Variants in FHL1 observed in about 807,000 individuals in gnomAD.
FHL1 encodes four and a half LIM domains 1.
Under a neutral mutation model 20.3 loss-of-function variants are expected in FHL1, and 1 was observed. The ratio of observed to expected loss-of-function variants is 0.05; its 90% CI spans 0.02 to 0.23. The LOEUF (loss-of-function observed/expected upper bound fraction) is 0.23, where lower values mean the gene tolerates loss of function less well. Among genes scored for constraint, FHL1 ranks in the 10% least tolerant of loss-of-function variants. The pLI, the probability that FHL1 is intolerant of heterozygous loss-of-function variation, is 1.00. For synonymous variants in FHL1, 82 were observed against 88.9 expected, an observed-to-expected ratio of 0.92 and a Z score of 0.44; for missense variants, 177 against 234.0, an observed-to-expected ratio of 0.76 and a Z score of 1.59.
intron 2 of FHL1, among the ~76,000 whole-genome samples, chrX:136,185,986 AT>A (rs961636765): frequency 5.4e-5 from 6 of 111,144 alleles, no homozygotes; most frequent in Non-Finnish European, 9.4e-5. Flanking sequence ...GCCACCTTTC[AT>A]TTTTTTTAAA....
upstream of FHL1, chrX:136,197,028 A>G (rs2073573354): frequency 5.5e-6 from 6 of 1,085,491 alleles, no homozygotes. Context: ...CCTTAAATGT[A>G]TGTTCACAAA....
In FHL1 at chrX:136,207,887, C is replaced by A; in HGVS notation, c.475C>A (p.Pro159Thr). 1 of 1,212,068 alleles carries A rather than the reference C, an allele frequency of 8.3e-7. No homozygotes were observed. The highest frequency in any genetic ancestry group is 1.1e-6 in the Non-Finnish European group (1 of 895,494). ...AGTCATCGGGACTGGAAGCTTCTTC[C>A]CTAAAGGGGAGGACTTCTACTGCGT... ...KQVIGTGSFF[P>T]KGEDFYCVTC... The change falls in exon 4 of 6, where the codon CCT becomes ACT. Residue 159 changes from proline (P) to threonine (T), a missense_variant. Transcript: ENST00000370683.
intron 1 of FHL1, among the ~76,000 whole-genome samples, chrX:136,157,732 TATTTATGTCC>T (rs1235470102): frequency 2.7e-5 from 3 of 111,878 alleles, no homozygotes; most frequent in Non-Finnish European, 5.6e-5. Flanking sequence ...AAAAAGACTA[TATTTATGTCC>T]AAAATGCAAT....
upstream of FHL1, among the ~76,000 whole-genome samples, chrX:136,194,049 C>G (rs185605477): frequency 9.3e-4 from 103 of 110,686 alleles, no homozygotes; most frequent in East Asian, 0.025. Flanking sequence ...CTCCCTCCCC[C>G]TTGTCTGCAT....
intron 1 of FHL1, among the ~76,000 whole-genome samples, chrX:136,162,528 T>G: frequency 1.8e-5 from 2 of 111,730 alleles, no homozygotes; most frequent in Middle Eastern, 4.6e-3. Context: ...GTGTTTGTAG[T>G]CCCTGTTTCT....
chrX:136,174,280 C>T (rs912668965), intron 2 of FHL1, among the ~76,000 whole-genome samples: 1 of 111,728 alleles, frequency 9.0e-6, no homozygotes, highest in African/African-American at 3.3e-5. Flanking sequence ...GCAAACATTT[C>T]AGAGGAAGGT....
At chrX:136,172,468 G>A (rs1264839217) in intron 2 of FHL1, among the ~76,000 whole-genome samples, 1 of 112,296 alleles carries the variant, frequency 8.9e-6, no homozygotes, top group Non-Finnish European at 1.9e-5. Context: ...CAGTAGACAG[G>A]TATGGATGCA....
At chrX:136,181,187 A>G (rs941698210) in intron 2 of FHL1, among the ~76,000 whole-genome samples, 5 of 112,886 alleles carry the variant, frequency 4.4e-5, no homozygotes, top group Middle Eastern at 4.6e-3. Flanking sequence ...CCATTACACT[A>G]AAGCCATGGG....
intron 2 of FHL1, among the ~76,000 whole-genome samples, chrX:136,181,754 C>G (rs1252837970): frequency 1.8e-5 from 2 of 112,202 alleles, no homozygotes; most frequent in African/African-American, 6.5e-5. Context: ...TTATTAAGAT[C>G]TTCAAAGTTG....
chrX:136,206,330 A>G, intron 1 of FHL1, 77 bp from the exon 2 acceptor site: 1 of 1,142,860 alleles, frequency 8.7e-7, no homozygotes, highest in Non-Finnish European at 1.2e-6. Context: ...AGCATTGTGC[A>G]GGTGCCTCTG....
At chrX:136,186,605 TACTACCCAGCACTTTGG>T (rs2073294458) in intron 2 of FHL1, among the ~76,000 whole-genome samples, 1 of 110,933 alleles carries the variant, frequency 9.0e-6, no homozygotes, top group Non-Finnish European at 1.9e-5. Flanking sequence ...CTCACATCTG[TACTACCCAGCACTTTGG>T]GAGACCGAGG....
chrX:136,151,137 C>T (rs1603239486), intron 1 of FHL1, among the ~76,000 whole-genome samples: 1 of 112,289 alleles, frequency 8.9e-6, no homozygotes, highest in Non-Finnish European at 1.9e-5. Context: ...TGGTTTTCAG[C>T]CAGGGCGCTT....
At chrX:136,157,182 C>T (rs1384649160) in intron 1 of FHL1, among the ~76,000 whole-genome samples, 1 of 111,486 alleles carries the variant, frequency 9.0e-6, no homozygotes, top group Non-Finnish European at 1.9e-5. Context: ...AAGTCCTCAG[C>T]CGCATAGCTT....
chrX:136,150,272 A>T (rs760427368), intron 1 of FHL1, among the ~76,000 whole-genome samples: 41 of 112,368 alleles, frequency 3.6e-4, no homozygotes, highest in African/African-American at 1.3e-3. Flanking sequence ...GAGCATTAAA[A>T]AAGTTTGTTG....
chrX:136,175,689 A>G (rs1385119695), intron 2 of FHL1, among the ~76,000 whole-genome samples: 1 of 112,500 alleles, frequency 8.9e-6, no homozygotes, highest in Non-Finnish European at 1.9e-5. Flanking sequence ...TACATTAGCA[A>G]TATGAAAGAA....
intron 1 of FHL1, among the ~76,000 whole-genome samples, chrX:136,199,527 G>A (rs749227983): frequency 1.9e-4 from 21 of 112,308 alleles, no homozygotes; most frequent in African/African-American, 6.8e-4. Context: ...AATGTCTGAC[G>A]ACACCTCCAG....
At position 136,164,211 on chromosome X, in the gene FHL1, A is replaced by ATT. The variant is rs11463803; in HGVS notation, c.-100-5684_-100-5683dup. 3.8e-3 allele frequency among the ~76,000 whole-genome samples: 377 copies of ATT among 99,469 alleles called. 1 individual carries two copies. Among genetic ancestry groups the ATT allele is most frequent in the East Asian group, 8.5e-3 (27 of 3,159 alleles). The allele number at this position is 99,469 out of a possible 115,157, so 86.4% of individuals were successfully genotyped here. ...GTGCTTGATAACTGTAGTGTACTCT[A>ATT]TTTTTTTTTTTTTGAGACACAGTCT... is the stretch of plus-strand genomic sequence containing the variant. On this transcript the variant is annotated intron_variant, in intron 1 of 7. Coordinates refer to the FHL1 transcript ENST00000394155.
At chrX:136,166,757 A>C (rs2072721079), upstream of FHL1, among the ~76,000 whole-genome samples, 1 of 112,537 alleles carries the variant, frequency 8.9e-6, no homozygotes, top group Non-Finnish European at 1.9e-5. Context: ...AAAGAAAGGT[A>C]TATTTGGTGT....
intron 2 of FHL1, among the ~76,000 whole-genome samples, chrX:136,177,013 T>TACACACACACACACAC (rs10527786): frequency 0.23 from 20,208 of 88,284 alleles, 2,403 homozygotes; most frequent in Non-Finnish European, 0.3. Context: ...CATGTAGAAA[T>TACACACACACACACAC]ACACACACAC....
Sources: allele counts gnomAD v4.1 joint callset (sites outside exome capture counted in the v4.1 genomes callset), GRCh38; gene constraint gnomAD v4.1.1; transcripts MANE v1.5; gene names NCBI Gene and HGNC (gene_info 2026-07-23, HGNC 2026-07-21).